The following NPAS3 variants were observed in gnomAD, a reference collection of about 807,000 sequenced individuals.
NPAS3 encodes neuronal PAS domain-containing protein 3.
A neutral mutation model predicts 73.1 loss-of-function variants in NPAS3; 14 were observed. That is an observed-to-expected ratio of 0.19 (90% CI 0.13 to 0.30). The LOEUF (loss-of-function observed/expected upper bound fraction) is 0.30. Ranked by LOEUF, NPAS3 falls within the 10% of genes least tolerant of loss-of-function variation. NPAS3 has a pLI of 1.00. For synonymous variants in NPAS3, 620 were observed against 541.5 expected, an observed-to-expected ratio of 1.14 and a Z score of -2.01; for missense variants, 1,096 against 1,250.0, an observed-to-expected ratio of 0.88 and a Z score of 1.86.
intron 5 of NPAS3, among the ~76,000 whole-genome samples, chr14:33,590,186 A>G (rs1223400948): frequency 6.6e-6 from 1 of 152,168 alleles, no homozygotes; most frequent in Non-Finnish European, 1.5e-5. Context: ...AAAGGCAGAA[A>G]AAGATGGTCA....
intron 2 of NPAS3, among the ~76,000 whole-genome samples, chr14:33,172,021 C>T (rs1242311348): frequency 1.3e-5 from 2 of 152,110 alleles, no homozygotes; most frequent in Non-Finnish European, 2.9e-5. Context: ...GCAGTCAGAA[C>T]ACACACAATT....
intron 1 of NPAS3, among the ~76,000 whole-genome samples, chr14:33,038,964 G>T (rs1173097629): frequency 6.6e-6 from 1 of 152,108 alleles, no homozygotes; most frequent in African/African-American, 2.4e-5. Context: ...AGTATGAGTG[G>T]CTTTTCAGAG....
intron 5 of NPAS3, among the ~76,000 whole-genome samples, chr14:33,593,341 G>T (rs922531338): frequency 2.6e-5 from 4 of 152,108 alleles, no homozygotes; most frequent in East Asian, 1.9e-4. Context: ...TGCCTCTACT[G>T]GTTATTTTAA....
At chr14:33,629,108 G>T (rs957239856) in intron 5 of NPAS3, among the ~76,000 whole-genome samples, 1 of 152,082 alleles carries the variant, frequency 6.6e-6, no homozygotes, top group Non-Finnish European at 1.5e-5. Context: ...GGTGGTGGGT[G>T]CCTGTAGTCC....
intron 3 of NPAS3, among the ~76,000 whole-genome samples, chr14:33,284,967 G>T (rs1197812750): frequency 1.3e-5 from 2 of 152,124 alleles, no homozygotes; most frequent in African/African-American, 4.8e-5. Flanking sequence ...TAACCACTAT[G>T]CTAGTGTGCA....
At chr14:33,222,310 A>G (rs2047460649) in intron 3 of NPAS3, among the ~76,000 whole-genome samples, 1 of 152,198 alleles carries the variant, frequency 6.6e-6, no homozygotes, top group South Asian at 2.1e-4. Flanking sequence ...AGGAGAAAGG[A>G]AGGAAAAAGA....
chr14:33,011,392 A>G (rs183258852), intron 1 of NPAS3, among the ~76,000 whole-genome samples: 129 of 152,290 alleles, frequency 8.5e-4, no homozygotes, highest in Non-Finnish European at 1.5e-3. Context: ...TCACACACCC[A>G]CACTCACTCA....
chr14:33,198,368 A>C (rs1414441550), intron 2 of NPAS3, among the ~76,000 whole-genome samples: 8 of 151,740 alleles, frequency 5.3e-5, no homozygotes, highest in Admixed American at 1.3e-4. Flanking sequence ...TTTTACAGAG[A>C]GCTGATTGGT....
At chr14:33,689,091 A>G (rs8014162) in intron 6 of NPAS3, among the ~76,000 whole-genome samples, 103,539 of 152,110 alleles carry the variant, frequency 0.68, 35,240 homozygotes, top group South Asian at 0.76. Flanking sequence ...ATCAGGTACA[A>G]ATACGTAGTA....
At chr14:33,329,546 T>G (rs938727146) in intron 3 of NPAS3, among the ~76,000 whole-genome samples, 3 of 151,946 alleles carry the variant, frequency 2.0e-5, no homozygotes, top group African/African-American at 7.3e-5. Context: ...AAAACTAACT[T>G]GGTGTCTTCC....
At chr14:33,545,967 C>T (rs957849529) in intron 4 of NPAS3, among the ~76,000 whole-genome samples, 14 of 152,162 alleles carry the variant, frequency 9.2e-5, no homozygotes, top group African/African-American at 3.4e-4. Flanking sequence ...GTCAAGGGAA[C>T]CTGCTCTCAG....
intron 5 of NPAS3, among the ~76,000 whole-genome samples, chr14:33,577,876 G>A (rs1296978936): frequency 6.6e-6 from 1 of 152,192 alleles, no homozygotes; most frequent in African/African-American, 2.4e-5. Flanking sequence ...TGAACCTGCA[G>A]GTGCACTGAC....
chr14:33,062,756 T>C (rs1202287308), intron 2 of NPAS3, among the ~76,000 whole-genome samples: 1 of 152,222 alleles, frequency 6.6e-6, no homozygotes, highest in African/African-American at 2.4e-5. Flanking sequence ...CAAAAATCGC[T>C]AACAGGTGGT....
chr14:33,371,046 G>A (rs1241211371), intron 4 of NPAS3, among the ~76,000 whole-genome samples: 2 of 152,140 alleles, frequency 1.3e-5, no homozygotes, highest in South Asian at 2.1e-4. Context: ...TGGAAATGAT[G>A]TGGAGCAAAG....
intron 7 of NPAS3, among the ~76,000 whole-genome samples, chr14:33,736,863 A>C (rs149446516): frequency 6.6e-6 from 1 of 152,220 alleles, no homozygotes; most frequent in Non-Finnish European, 1.5e-5. Flanking sequence ...TTGATAATTT[A>C]ATGTTGATTA....
rs563967008 is a variant in NPAS3 at position 33,109,050 on chromosome 14, A to T, written c.140+53056A>T. On this transcript the variant is annotated intron_variant, in intron 2 of 11. Transcript: ENST00000356141. Reference sequence around the variant, plus strand: ...CCTGATTTGATTTATTGCAAAGTCCAATAAACTATTCCTAGTAATAATAAA... The same window carrying T: ...CCTGATTTGATTTATTGCAAAGTCCTATAAACTATTCCTAGTAATAATAAA... 7.2e-5 allele frequency among the ~76,000 whole-genome samples: 11 copies of T among 152,314 alleles called. No individual in the cohort carries two copies. The South Asian group carries it at 2.3e-3, about 32-fold the overall frequency.
At chr14:33,451,532 C>T (rs1336561307) in intron 4 of NPAS3, among the ~76,000 whole-genome samples, 2 of 152,176 alleles carry the variant, frequency 1.3e-5, no homozygotes, top group African/African-American at 2.4e-5. Flanking sequence ...TCCTCTCTCT[C>T]GATCATTTTC....
chr14:33,473,219 G>A (rs916656541), intron 4 of NPAS3, among the ~76,000 whole-genome samples: 8 of 152,096 alleles, frequency 5.3e-5, no homozygotes, highest in African/African-American at 7.2e-5. Flanking sequence ...TGACTGGAAC[G>A]TGCATCAGAA....
intron 4 of NPAS3, among the ~76,000 whole-genome samples, chr14:33,526,207 C>G (rs992801822): frequency 9.9e-5 from 15 of 151,404 alleles, no homozygotes; most frequent in Non-Finnish European, 2.1e-4. Flanking sequence ...TTTTCTTTCA[C>G]TCTACTTCAG....
Sources: gnomAD v4.1 joint callset for allele counts (sites outside exome capture counted in the v4.1 genomes callset) on GRCh38, gnomAD v4.1.1 for gene constraint, MANE v1.5 for transcripts, NCBI Gene and HGNC (gene_info 2026-07-23, HGNC 2026-07-21) for gene names.